GSG1L: variants seen among roughly 807,000 people sequenced by gnomAD.
GSG1L encodes GSG1 like.
In GSG1L, 24 loss-of-function variants were observed where a neutral mutation model predicts 42.1. The ratio of observed to expected loss-of-function variants is 0.57; its 90% CI spans 0.41 to 0.80. The LOEUF (loss-of-function observed/expected upper bound fraction) is 0.80, where lower values mean the gene tolerates loss of function less well. Among genes scored for constraint, GSG1L ranks in the 30% least tolerant of loss-of-function variants. The pLI is 0.00. For missense variants in GSG1L, 445 were observed against 472.2 expected (o/e 0.94, Z 0.53); for synonymous variants, 215 against 203.5 (o/e 1.06, Z -0.48).
intron 2 of GSG1L, among the ~76,000 whole-genome samples, chr16:27,922,002 T>C (rs77013957): frequency 1.5e-5 from 1 of 66,786 alleles, no homozygotes; most frequent in South Asian, 5.5e-4. Flanking sequence ...TTTGTTGTCT[T>C]TTTTTTTTTT....
At chr16:27,837,868 T>C (rs2083337212) in intron 4 of GSG1L, among the ~76,000 whole-genome samples, 1 of 150,904 alleles carries the variant, frequency 6.6e-6, no homozygotes, top group Admixed American at 6.6e-5. Context: ...TTTTTTTTTC[T>C]GTCCTTTAGG....
At chr16:27,986,856 C>G (rs1234989739) in intron 1 of GSG1L, among the ~76,000 whole-genome samples, 1 of 152,246 alleles carries the variant, frequency 6.6e-6, no homozygotes, top group Non-Finnish European at 1.5e-5. Flanking sequence ...TGTTAATGGG[C>G]TCCGCCCTGA....
At chr16:27,935,298 C>T (rs1264820300) in intron 2 of GSG1L, among the ~76,000 whole-genome samples, 2 of 151,256 alleles carry the variant, frequency 1.3e-5, no homozygotes, top group Non-Finnish European at 3.0e-5. Context: ...GGCCAGCCTT[C>T]CTGAGCTAGT....
chr16:27,946,494 G>A (rs1488536800), intron 2 of GSG1L, among the ~76,000 whole-genome samples: 1 of 149,446 alleles, frequency 6.7e-6, no homozygotes, highest in Non-Finnish European at 1.5e-5. Context: ...GCAGTGAGCC[G>A]AAACTGTGCC....
intron 3 of GSG1L, among the ~76,000 whole-genome samples, chr16:27,880,691 G>T (rs1477362859): frequency 6.6e-6 from 1 of 152,090 alleles, no homozygotes; most frequent in African/African-American, 2.4e-5. Flanking sequence ...GTAGAGGAGA[G>T]TCCCCCACTT....
chr16:27,996,220 A>G (rs1323897328), intron 1 of GSG1L, among the ~76,000 whole-genome samples: 1 of 152,106 alleles, frequency 6.6e-6, no homozygotes, highest in African/African-American at 2.4e-5. Flanking sequence ...TAGAACCCAT[A>G]TCTGAATTCT....
At chr16:27,888,491 CTTTCTTTCTTT>C (rs2084072823) in intron 2 of GSG1L, among the ~76,000 whole-genome samples, 7 of 5,996 alleles carry the variant, frequency 1.2e-3, no homozygotes, top group Admixed American at 2.9e-3. Context: ...TCCTTTCTTT[CTTTCTTTCTTT>C]CTTTCTTTCT....
intron 1 of GSG1L, among the ~76,000 whole-genome samples, chr16:28,057,893 G>A (rs149121432): frequency 1.3e-3 from 197 of 152,338 alleles, no homozygotes; most frequent in Non-Finnish European, 2.4e-3. Context: ...CAAACCCTGT[G>A]ATGGGTCATG....
intron 3 of GSG1L, among the ~76,000 whole-genome samples, chr16:27,877,045 C>T (rs939603111): frequency 6.6e-6 from 1 of 152,152 alleles, no homozygotes; most frequent in African/African-American, 2.4e-5. Context: ...AGTGGATCAG[C>T]CTCAATTTTT....
chr16:28,054,019 T>TC (rs962219111), intron 1 of GSG1L, among the ~76,000 whole-genome samples: 19 of 152,050 alleles, frequency 1.2e-4, no homozygotes, highest in African/African-American at 4.6e-4. Flanking sequence ...CCTCGCAGCC[T>TC]CCCTCTGCAT....
At chr16:27,931,816 G>A (rs1255669669) in intron 2 of GSG1L, among the ~76,000 whole-genome samples, 1 of 152,214 alleles carries the variant, frequency 6.6e-6, no homozygotes. Flanking sequence ...TAAGAGAACA[G>A]ACAGGCACAG....
chr16:27,865,099 G>T (rs753940233), intron 3 of GSG1L, among the ~76,000 whole-genome samples: 21 of 152,006 alleles, frequency 1.4e-4, no homozygotes, highest in Non-Finnish European at 2.4e-4. Context: ...CCAGTCCCAC[G>T]CATTCTTCTG....
At chr16:27,974,626 C>T (rs1018854582) in intron 1 of GSG1L, among the ~76,000 whole-genome samples, 3 of 152,216 alleles carry the variant, frequency 2.0e-5, no homozygotes, top group Non-Finnish European at 4.4e-5. Context: ...CCATGTGTGA[C>T]TGCCCTCACC....
At chr16:28,044,771 G>A (rs529548230) in intron 1 of GSG1L, among the ~76,000 whole-genome samples, 3 of 152,058 alleles carry the variant, frequency 2.0e-5, no homozygotes, top group Non-Finnish European at 2.9e-5. Context: ...TTAGAGGCGT[G>A]TGCCACCATG....
At chr16:27,810,783 G>A (rs1269179604) in intron 5 of GSG1L, among the ~76,000 whole-genome samples, 1 of 152,024 alleles carries the variant, frequency 6.6e-6, no homozygotes, top group Non-Finnish European at 1.5e-5. Flanking sequence ...CTCCTCCTGG[G>A]TTCAAGCAAT....
At chr16:27,980,478 T>C (rs1466709947) in intron 1 of GSG1L, among the ~76,000 whole-genome samples, 1 of 152,152 alleles carries the variant, frequency 6.6e-6, no homozygotes, top group Non-Finnish European at 1.5e-5. Context: ...CGTGCTGACA[T>C]GCTTTATGCG....
chr16:27,869,362 A>G (rs1264488654), intron 3 of GSG1L, among the ~76,000 whole-genome samples: 9 of 151,412 alleles, frequency 5.9e-5, no homozygotes, highest in African/African-American at 2.2e-4. Context: ...GTGCTCAGTA[A>G]ATGTCGGCCC....
intron 6 of GSG1L, among the ~76,000 whole-genome samples, chr16:27,804,444 C>T (rs964220308): frequency 3.9e-5 from 6 of 151,982 alleles, no homozygotes; most frequent in Non-Finnish European, 5.9e-5. Flanking sequence ...GCCCTGTTTC[C>T]TCCCCATCAC....
At chr16:28,052,620 G>T (rs1251486349) in intron 1 of GSG1L, among the ~76,000 whole-genome samples, 1 of 152,122 alleles carries the variant, frequency 6.6e-6, no homozygotes, top group Non-Finnish European at 1.5e-5. Flanking sequence ...CTTTATCCAG[G>T]TCCCCAGTGA....
Sources: gnomAD v4.1 joint callset for allele counts (sites outside exome capture counted in the v4.1 genomes callset) on GRCh38, gnomAD v4.1.1 for gene constraint, MANE v1.5 for transcripts, NCBI Gene and HGNC (gene_info 2026-07-23, HGNC 2026-07-21) for gene names.